SLC1A1: variants seen among roughly 807,000 people sequenced by gnomAD.
The protein encoded by SLC1A1 is excitatory amino acid transporter 3.
SLC1A1 carries 43 observed loss-of-function variants against 53.3 expected under a neutral mutation model. The observed-to-expected ratio is 0.81, with a 90% CI of 0.63 to 1.04. The LOEUF (loss-of-function observed/expected upper bound fraction) is 1.04, where lower values mean the gene tolerates loss of function less well. Ranked by LOEUF, SLC1A1 falls within the 50% of genes least tolerant of loss-of-function variation. The pLI is 0.00. For missense variants in SLC1A1, 748 were observed against 664.9 expected (o/e 1.12, Z -1.37); for synonymous variants, 307 against 243.2 (o/e 1.26, Z -2.44).
rs572501780 is a variant in SLC1A1 at position 4,555,948 on chromosome 9, A to G, written c.233-5501A>G. ...TAAACTATAGTTAGAGCAAATTACT[A>G]GAAAAGTTATATTAAAAATAGACAT... is the stretch of plus-strand genomic sequence containing the variant. On this transcript the variant is annotated intron_variant, in intron 2 of 11. Transcript: ENST00000262352. Among the ~76,000 whole-genome samples the G allele has an allele frequency of 4.9e-4, 74 of 152,236 alleles. No individual in the cohort carries two copies. The South Asian group carries it at 0.015, about 31-fold the overall frequency.
intron 1 of SLC1A1, among the ~76,000 whole-genome samples, chr9:4,514,276 G>T (rs955643567): frequency 3.3e-5 from 5 of 152,184 alleles, no homozygotes; most frequent in Admixed American, 2.0e-4. Flanking sequence ...TGTGTTTACT[G>T]GTGGGGAATT....
At chr9:4,548,521 T>G (rs1817669565) in intron 2 of SLC1A1, among the ~76,000 whole-genome samples, 1 of 152,054 alleles carries the variant, frequency 6.6e-6, no homozygotes, top group Non-Finnish European at 1.5e-5. Context: ...GAAAAAAAAA[T>G]TCTGCCATCA....
intron 1 of SLC1A1, among the ~76,000 whole-genome samples, chr9:4,520,803 A>G (rs913148413): frequency 6.6e-6 from 1 of 152,216 alleles, no homozygotes. Context: ...GCTGGGTCAC[A>G]TGGTAACTCT....
At chr9:4,503,656 A>T (rs1333423932) in intron 1 of SLC1A1, among the ~76,000 whole-genome samples, 1 of 151,874 alleles carries the variant, frequency 6.6e-6, no homozygotes, top group Admixed American at 6.6e-5. Context: ...ATCATCTCTT[A>T]GGTTCAATTT....
rs187563900 is a variant in SLC1A1 at position 4,539,911 on chromosome 9, G to A, written c.92-4656G>A. ...ATTTAGCATAAAAGCTGGAGAAAGCGATAGGGACAGGAGGCAGAGAAATTC... is the reference window on the plus strand; with the variant it reads ...ATTTAGCATAAAAGCTGGAGAAAGCAATAGGGACAGGAGGCAGAGAAATTC... On this transcript the variant is annotated intron_variant, in intron 1 of 11. Coordinates refer to ENST00000262352, the MANE Select transcript of SLC1A1 (RefSeq NM_004170.6). Among the ~76,000 whole-genome samples the A allele has an allele frequency of 5.6e-4, 86 of 152,266 alleles. No homozygotes were observed. The East Asian group carries it at 7.7e-3, about 14-fold the overall frequency.
chr9:4,508,984 T>A (rs1452628599), intron 1 of SLC1A1, among the ~76,000 whole-genome samples: 3 of 152,004 alleles, frequency 2.0e-5, no homozygotes, highest in Non-Finnish European at 4.4e-5. Flanking sequence ...GTAATAGAAA[T>A]TCAGATAAAA....
chr9:4,567,178 C>A (rs557349154), intron 5 of SLC1A1, among the ~76,000 whole-genome samples: 10 of 152,314 alleles, frequency 6.6e-5, no homozygotes, highest in African/African-American at 2.4e-4. Context: ...CACTGAATAG[C>A]CCCAAGGGGA....
intron 1 of SLC1A1, among the ~76,000 whole-genome samples, chr9:4,523,139 C>T (rs1047207787): frequency 6.6e-5 from 10 of 152,200 alleles, no homozygotes; most frequent in African/African-American, 1.9e-4. Context: ...TTCAGTACCC[C>T]GCTGTGACTC....
At chr9:4,499,549 C>T (rs1820564953) in intron 1 of SLC1A1, among the ~76,000 whole-genome samples, 1 of 151,924 alleles carries the variant, frequency 6.6e-6, no homozygotes. Flanking sequence ...TTTGGTTGTT[C>T]TATGCAAGGT....
chr9:4,546,012 C>A (rs929751497), intron 2 of SLC1A1, among the ~76,000 whole-genome samples: 3 of 151,966 alleles, frequency 2.0e-5, no homozygotes, highest in African/African-American at 7.2e-5. Flanking sequence ...TCCACTGCCA[C>A]TGTAAAGGTC....
chr9:4,567,750 A>G lies in SLC1A1; in HGVS notation c.565A>G (p.Thr189Ala), dbSNP rs1354072373. Residue 189 changes from threonine (T) to alanine (A), a missense_variant, in exon 6 of 12, where the codon ACA becomes GCA. Transcript: ENST00000262352. The part of the protein sequence containing the change: ...MTEESFTAVM[T>A]TAISKNKTKE... ...AGAAGAGTCCTTCACAGCTGTCATG[A>G]CAACTGCAATTTCCAAGGTACCATT... 1 of 1,607,430 alleles carries G rather than the reference A, an allele frequency of 6.2e-7. No individual in the cohort carries two copies. The highest frequency in any genetic ancestry group is 1.3e-5 in the African/African-American group (1 of 74,796).
intron 1 of SLC1A1, among the ~76,000 whole-genome samples, chr9:4,521,289 T>C (rs1816061918): frequency 6.6e-6 from 1 of 152,348 alleles, no homozygotes; most frequent in African/African-American, 2.4e-5. Context: ...TACCAGGTAC[T>C]ACCTCCTATT....
intron 2 of SLC1A1, among the ~76,000 whole-genome samples, chr9:4,550,963 A>C (rs1404609773): frequency 6.6e-6 from 1 of 152,202 alleles, no homozygotes; most frequent in African/African-American, 2.4e-5. Flanking sequence ...ATTCATTTAC[A>C]AAAACAGGAG....
chr9:4,533,060 G>A (rs911876720), intron 1 of SLC1A1, among the ~76,000 whole-genome samples: 4 of 152,252 alleles, frequency 2.6e-5, no homozygotes, highest in Non-Finnish European at 5.9e-5. Context: ...GCTCCTGAAA[G>A]AAGCACTAAA....
intron 1 of SLC1A1, among the ~76,000 whole-genome samples, chr9:4,531,801 C>A (rs988035861): frequency 2.0e-5 from 3 of 152,124 alleles, no homozygotes; most frequent in African/African-American, 7.2e-5. Context: ...CTGGGAGGCA[C>A]CCCCCAGTAG....
intron 1 of SLC1A1, among the ~76,000 whole-genome samples, chr9:4,543,423 T>C (rs1817184892): frequency 1.3e-5 from 2 of 152,202 alleles, no homozygotes; most frequent in South Asian, 2.1e-4. Context: ...GTAAAGCAGT[T>C]AGATGTTATT....
At chr9:4,555,490 T>C (rs958079587) in intron 2 of SLC1A1, among the ~76,000 whole-genome samples, 1 of 152,184 alleles carries the variant, frequency 6.6e-6, no homozygotes, top group Non-Finnish European at 1.5e-5. Context: ...TTGTAAAAAG[T>C]TCAGATGATT....
At chr9:4,514,393 T>C in intron 1 of SLC1A1, among the ~76,000 whole-genome samples, 1 of 152,174 alleles carries the variant, frequency 6.6e-6, no homozygotes, top group Admixed American at 6.5e-5. Flanking sequence ...TTGGGTATTG[T>C]TGGGCATGGA....
In SLC1A1 at chr9:4,549,526, C is replaced by T. The variant is rs1318752523; in HGVS notation, c.232+4819C>T. ...ACAGGGATGCCCCTCTGCTTAGCTG[C>T]TTGCCTCCAGGAGGCTAGAGTTCAT... is the stretch of plus-strand genomic sequence containing the variant. On this transcript the variant is annotated intron_variant, in intron 2 of 11. Coordinates refer to ENST00000262352, the MANE Select transcript of SLC1A1 (RefSeq NM_004170.6). This position sits in a 1 kb window ranked among gnomAD's most constrained non-coding sequence, Gnocchi z 4.1. Among the ~76,000 whole-genome samples the T allele has an allele frequency of 6.6e-6, 1 of 152,188 alleles. No individual in the cohort carries two copies. Among genetic ancestry groups the T allele is most frequent in the Non-Finnish European group, 1.5e-5 (1 of 68,024 alleles).
Sources: allele counts gnomAD v4.1 joint callset (sites outside exome capture counted in the v4.1 genomes callset), GRCh38; gene constraint gnomAD v4.1.1; non-coding constraint Gnocchi (gnomAD v3.1); transcripts MANE v1.5; gene names NCBI Gene and HGNC (gene_info 2026-07-23, HGNC 2026-07-21).